The following GPC5 variants were observed in gnomAD, a reference collection of about 807,000 sequenced individuals.
GPC5 encodes the protein glypican 5.
Under a neutral mutation model 53.9 loss-of-function variants are expected in GPC5, and 47 were observed. The observed-to-expected ratio is 0.87, with a 90% CI of 0.69 to 1.11. The LOEUF is 1.11. Among genes scored for constraint, GPC5 ranks in the 50% most tolerant of loss-of-function variants. The pLI is 0.00. For synonymous variants in GPC5, 286 were observed against 263.3 expected (o/e 1.09, Z -0.84); for missense variants, 748 against 713.1 (o/e 1.05, Z -0.56).
At chr13:91,439,196 A>AG (rs937649011) in intron 1 of GPC5, among the ~76,000 whole-genome samples, 30 of 152,138 alleles carry the variant, frequency 2.0e-4, no homozygotes, top group Non-Finnish European at 1.0e-4. Context: ...GTTATACCCA[A>AG]GGGGGGGACA....
At chr13:91,893,277 T>A (rs9589366) in intron 5 of GPC5, among the ~76,000 whole-genome samples, 1 of 152,036 alleles carries the variant, frequency 6.6e-6, no homozygotes, top group Admixed American at 6.6e-5. Flanking sequence ...TGTATGCCAA[T>A]GACTTTGTAT....
rs539659401 is a variant in GPC5, at chr13:92,260,380, G to A, written c.1561+115391G>A. ...CATCTCTCATCTTCATTCCTCAGCC[G>A]AAAACAAGGCAAGAAGAATCCTATT... On this transcript the variant is annotated intron_variant, in intron 7 of 7. Transcript: ENST00000377067. Among the ~76,000 whole-genome samples, 11 of 152,202 alleles carry A rather than the reference G, an allele frequency of 7.2e-5. No individual in the cohort carries two copies. In the East Asian group the frequency reaches 1.2e-3, roughly 16 times the overall value.
chr13:92,179,084 A>G (rs887633173), intron 7 of GPC5, among the ~76,000 whole-genome samples: 14 of 152,206 alleles, frequency 9.2e-5, no homozygotes, highest in African/African-American at 3.4e-4. Context: ...TCAAATGACT[A>G]CACTTGTTCA....
chr13:91,618,373 G>A (rs2033756660), intron 2 of GPC5, among the ~76,000 whole-genome samples: 1 of 152,050 alleles, frequency 6.6e-6, no homozygotes, highest in African/African-American at 2.4e-5. Context: ...GGCTAGTCTG[G>A]CTGTGTCTTG....
intron 7 of GPC5, among the ~76,000 whole-genome samples, chr13:92,410,312 A>G (rs1339640594): frequency 5.9e-5 from 9 of 152,182 alleles, no homozygotes; most frequent in Admixed American, 2.6e-4. Flanking sequence ...CTCTGATTCT[A>G]TGATTCAAAA....
At chr13:92,559,506 C>A (rs888841646) in intron 7 of GPC5, among the ~76,000 whole-genome samples, 1 of 151,688 alleles carries the variant, frequency 6.6e-6, no homozygotes, top group African/African-American at 2.4e-5. Context: ...CAGGAGCACA[C>A]CTTTCATTTG....
chr13:92,388,686 C>G (rs1874855730), intron 7 of GPC5, among the ~76,000 whole-genome samples: 1 of 152,056 alleles, frequency 6.6e-6, no homozygotes, highest in South Asian at 2.1e-4. Context: ...GTGGGAGTCT[C>G]TGGAGAAGCA....
At chr13:91,940,713 T>A (rs2039918579) in intron 6 of GPC5, among the ~76,000 whole-genome samples, 1 of 152,142 alleles carries the variant, frequency 6.6e-6, no homozygotes. Context: ...GGTATCTCGC[T>A]GTGGTTTTGA....
chr13:92,713,608 CAAA>C (rs5805758), intron 7 of GPC5, among the ~76,000 whole-genome samples: 3 of 114,016 alleles, frequency 2.6e-5, no homozygotes, highest in Non-Finnish European at 1.9e-5. Flanking sequence ...ACTCCAATCT[CAAA>C]AAAAAAAAAA....
At chr13:91,995,056 C>T (rs1322706124) in intron 6 of GPC5, 1 of 152,066 alleles carries the variant, frequency 6.6e-6, no homozygotes, top group African/African-American at 2.4e-5. Flanking sequence ...ACTGCAAGAT[C>T]CGACTCCCAG....
Position 91,991,567 on chromosome 13 carries a change from TC to T in GPC5, c.1401+83511del, listed in dbSNP as rs551103696. Among the ~76,000 whole-genome samples, 9 of 150,850 alleles carry T rather than the reference TC, an allele frequency of 6.0e-5. No homozygotes were observed. In the South Asian group the frequency reaches 1.7e-3, roughly 28 times the overall value. Reference sequence around the variant, plus strand: ...AGGGATAAAGGAAGAATTTTTTTTTTCTCTCTCTCTCTATACACACACTCAC... The same window carrying T: ...AGGGATAAAGGAAGAATTTTTTTTTTTCTCTCTCTCTATACACACACTCAC... On this transcript the variant is annotated intron_variant, in intron 6 of 7. Coordinates refer to ENST00000377067, the MANE Select transcript of GPC5 (RefSeq NM_004466.6).
intron 6 of GPC5, among the ~76,000 whole-genome samples, chr13:92,043,380 G>A (rs908224335): frequency 2.0e-5 from 3 of 152,094 alleles, no homozygotes; most frequent in Non-Finnish European, 4.4e-5. Context: ...CCAGGGGTGA[G>A]GCTGTGCCAA....
rs546094383 is a variant in GPC5, at chr13:91,465,003, G to A, written c.325+16081G>A. On this transcript the variant is annotated intron_variant, in intron 2 of 7. Coordinates refer to ENST00000377067, the MANE Select transcript of GPC5 (RefSeq NM_004466.6). ...TTGCAGCATCATCTGAATCTATATC[G>A]TTTCAAAACAAAAAGAAATATAAGC... 1.7e-4 allele frequency among the ~76,000 whole-genome samples: 26 copies of A among 152,088 alleles called. No homozygotes were observed. The South Asian group carries it at 4.4e-3, about 26-fold the overall frequency.
chr13:92,127,760 A>T (rs2041711112), intron 6 of GPC5, among the ~76,000 whole-genome samples: 1 of 152,222 alleles, frequency 6.6e-6, no homozygotes, highest in African/African-American at 2.4e-5. Context: ...TTTTTATTTA[A>T]CCACGAAGTT....
chr13:91,602,502 T>C (rs772535277), intron 2 of GPC5, among the ~76,000 whole-genome samples: 14 of 152,240 alleles, frequency 9.2e-5, no homozygotes, highest in South Asian at 2.1e-4. Flanking sequence ...ATAGCTTTTA[T>C]ATTTTTGTCT....
At chr13:91,840,006 C>G (rs200093807) in intron 5 of GPC5, among the ~76,000 whole-genome samples, 2 of 151,928 alleles carry the variant, frequency 1.3e-5, no homozygotes, top group East Asian at 3.9e-4. Flanking sequence ...GTCACAATTC[C>G]TAAGATCTAC....
At chr13:92,218,893 G>A (rs1479349956) in intron 7 of GPC5, among the ~76,000 whole-genome samples, 1 of 152,108 alleles carries the variant, frequency 6.6e-6, no homozygotes, top group African/African-American at 2.4e-5. Flanking sequence ...AATTTTGTTT[G>A]CTATCTCTTT....
chr13:91,806,317 G>A (rs898965488), intron 5 of GPC5, among the ~76,000 whole-genome samples: 2 of 152,034 alleles, frequency 1.3e-5, no homozygotes, highest in Admixed American at 6.5e-5. Context: ...TTACAGGCAT[G>A]AGCCACCGCA....
At chr13:91,497,761 A>G (rs545481918) in intron 2 of GPC5, among the ~76,000 whole-genome samples, 1 of 152,256 alleles carries the variant, frequency 6.6e-6, no homozygotes, top group African/African-American at 2.4e-5. Context: ...GCTAAATTCA[A>G]TCTGTTTATT....
Sources: allele counts gnomAD v4.1 joint callset (sites outside exome capture counted in the v4.1 genomes callset), GRCh38; gene constraint gnomAD v4.1.1; transcripts MANE v1.5; gene names NCBI Gene and HGNC (gene_info 2026-07-23, HGNC 2026-07-21).